The following TCF7L2 variants were observed in gnomAD, a reference collection of about 807,000 sequenced individuals.
The protein encoded by TCF7L2 is transcription factor 7 like 2.
Under a neutral mutation model 77.9 loss-of-function variants are expected in TCF7L2, and 23 were observed. The ratio of observed to expected loss-of-function variants is 0.30; its 90% CI spans 0.21 to 0.42. The LOEUF is 0.42. Among genes scored for constraint, TCF7L2 ranks in the 10% least tolerant of loss-of-function variants. The pLI is 1.00. For synonymous variants in TCF7L2, 413 were observed against 340.2 expected (o/e 1.21, Z -2.36); for missense variants, 654 against 793.1 (o/e 0.82, Z 2.11).
intron 5 of TCF7L2, among the ~76,000 whole-genome samples, chr10:113,083,779 A>G (rs60647110): frequency 0.02 from 3,109 of 152,292 alleles, 115 homozygotes; most frequent in African/African-American, 0.07. Flanking sequence ...TTGCTTTTTT[A>G]GTGGAATGGC....
In TCF7L2 at chr10:113,004,819, C is replaced by T. The variant is rs180849576; in HGVS notation, c.451-35206C>T. 2.6e-4 allele frequency among the ~76,000 whole-genome samples: 40 copies of T among 152,180 alleles called. No individual in the cohort carries two copies. The East Asian group carries it at 7.6e-3, about 29-fold the overall frequency. On this transcript the variant is annotated intron_variant, in intron 4 of 13. Coordinates refer to ENST00000627217, the MANE Select transcript of TCF7L2 (RefSeq NM_001146274.2). ...TCCTGAGTAGCTGGGATGTCAGGCA[C>T]CCGCCACCATGCCCGGCTAATTTTC... is the stretch of plus-strand genomic sequence containing the variant.
intron 5 of TCF7L2, among the ~76,000 whole-genome samples, chr10:113,079,696 C>T (rs777997819): frequency 6.6e-6 from 1 of 152,064 alleles, no homozygotes; most frequent in African/African-American, 2.4e-5. Context: ...CTCGCTCCAT[C>T]GCCCAGGCTG....
chr10:113,096,973 G>A (rs2061048758), intron 5 of TCF7L2, among the ~76,000 whole-genome samples: 1 of 152,134 alleles, frequency 6.6e-6, no homozygotes, highest in African/African-American at 2.4e-5. Flanking sequence ...TACCCCACCG[G>A]TCACTGGGTC....
Position 112,950,656 on chromosome 10 carries a change from A to G in TCF7L2, c.-101A>G, listed in dbSNP as rs1589556225. 7.4e-7 allele frequency: 1 copy of G among 1,347,196 alleles called. No individual in the cohort carries two copies. Among genetic ancestry groups the G allele is most frequent in the Non-Finnish European group, 9.9e-7 (1 of 1,012,130 alleles). 83.5% of individuals were successfully genotyped at this position (1,347,196 alleles called of 1,614,324 possible). On this transcript the variant is annotated 5_prime_UTR_variant, in exon 1 of 14. Transcript: ENST00000627217. Reference sequence around the variant, plus strand: ...CACCTTGGACTCGTCTTTTTCTTGCAATATTTTTTGGGGGGGCAAAACTTT... The same window carrying G: ...CACCTTGGACTCGTCTTTTTCTTGCGATATTTTTTGGGGGGGCAAAACTTT...
intron 4 of TCF7L2, among the ~76,000 whole-genome samples, chr10:112,984,980 CCG>C (rs1370153095): frequency 2.0e-5 from 3 of 152,136 alleles, no homozygotes; most frequent in African/African-American, 2.4e-5. Context: ...TCAGCAGTGT[CCG>C]TTTATTGCCT....
chr10:113,143,381 C>G (rs2068736118), intron 6 of TCF7L2, among the ~76,000 whole-genome samples: 2 of 152,252 alleles, frequency 1.3e-5, no homozygotes, highest in Non-Finnish European at 2.9e-5. Flanking sequence ...GGCATTTGAT[C>G]AGTTTCTCCA....
chr10:113,085,135 T>C (rs1056578092), intron 5 of TCF7L2, among the ~76,000 whole-genome samples: 1 of 152,020 alleles, frequency 6.6e-6, no homozygotes, highest in Admixed American at 6.6e-5. Context: ...GGCACAATCA[T>C]GGCTCACTGC....
At chr10:113,152,545 A>C (rs1592360506) in intron 11 of TCF7L2, 105 bp downstream of exon 11, 3 of 921,676 alleles carry the variant, frequency 3.3e-6, no homozygotes. Flanking sequence ...GGGCCTCAGG[A>C]CCATCCAATC....
intron 5 of TCF7L2, among the ~76,000 whole-genome samples, chr10:113,076,779 G>A (rs2058741249): frequency 6.6e-6 from 1 of 152,184 alleles, no homozygotes; most frequent in African/African-American, 2.4e-5. Flanking sequence ...ATAGCAAGCT[G>A]TGCCATTAGT....
intron 3 of TCF7L2, among the ~76,000 whole-genome samples, chr10:112,960,894 TC>T (rs1454241040): frequency 6.6e-6 from 1 of 152,032 alleles, no homozygotes; most frequent in Non-Finnish European, 1.5e-5. Context: ...TGTTTCGCCA[TC>T]TTGGCCAGGC....
At chr10:113,154,275 G>A (rs796281599) in intron 11 of TCF7L2, among the ~76,000 whole-genome samples, 3 of 152,282 alleles carry the variant, frequency 2.0e-5, no homozygotes, top group African/African-American at 4.8e-5. Flanking sequence ...TAGCCTCCAC[G>A]TACACAACCA....
chr10:112,985,115 G>A (rs1014866540), intron 4 of TCF7L2, among the ~76,000 whole-genome samples: 1 of 152,192 alleles, frequency 6.6e-6, no homozygotes. Flanking sequence ...TAAGGAAAGA[G>A]CAACGGTGAT....
At chr10:113,088,076 G>A (rs761633749) in intron 5 of TCF7L2, among the ~76,000 whole-genome samples, 32 of 152,038 alleles carry the variant, frequency 2.1e-4, no homozygotes, top group Non-Finnish European at 4.3e-4. Context: ...TGAAAAAATC[G>A]TTCATGGAGT....
intron 4 of TCF7L2, among the ~76,000 whole-genome samples, chr10:113,008,516 C>T (rs978351066): frequency 6.6e-6 from 1 of 152,198 alleles, no homozygotes; most frequent in African/African-American, 2.4e-5. Flanking sequence ...CGCTATAACG[C>T]CTTCATGGTT....
intron 5 of TCF7L2, among the ~76,000 whole-genome samples, chr10:113,136,458 G>C (rs149538401): frequency 6.6e-6 from 1 of 152,250 alleles, no homozygotes; most frequent in East Asian, 1.9e-4. Flanking sequence ...CGGAGAATCC[G>C]TTGTCATCAT....
Position 112,951,516 on chromosome 10 carries a change from G to A in TCF7L2, c.290G>A (p.Gly97Glu). 1 of 1,430,676 alleles carries A rather than the reference G, an allele frequency of 7.0e-7. No individual in the cohort carries two copies. The highest frequency in any genetic ancestry group is 9.4e-7 in the Non-Finnish European group (1 of 1,069,220). The allele number at this position is 1,430,676 out of a possible 1,614,324, so 88.6% of individuals were successfully genotyped here. ...AGGCAAGATGGAGGGCTCTTTAAGG[G>A]GCCACCGTATCCCGGCTACCCCTTC... The change falls in exon 3 of 14, where the codon GGG becomes GAG. Residue 97 changes from glycine (G) to glutamate (E), a missense_variant. This residue lies in a region of TCF7L2 where 132 missense variants were observed against 123.7 expected (regional missense o/e 1.07). Coordinates refer to ENST00000627217, the MANE Select transcript of TCF7L2 (RefSeq NM_001146274.2).
At chr10:113,090,451 A>T (rs1034164899) in intron 5 of TCF7L2, among the ~76,000 whole-genome samples, 2 of 152,248 alleles carry the variant, frequency 1.3e-5, no homozygotes, top group Admixed American at 6.5e-5. Flanking sequence ...AGTAATACAT[A>T]TGTACATAAG....
intron 4 of TCF7L2, among the ~76,000 whole-genome samples, chr10:112,999,044 T>G (rs1473476860): frequency 6.6e-6 from 1 of 152,188 alleles, no homozygotes; most frequent in East Asian, 1.9e-4. Flanking sequence ...AGAGACAGGG[T>G]CTCATTCTGT....
intron 13 of TCF7L2, chr10:113,161,697 G>C: frequency 7.3e-7 from 1 of 1,368,178 alleles, no homozygotes; most frequent in Admixed American, 2.0e-5. Flanking sequence ...TGTGCTCCGT[G>C]TTTAGACGTT....
Sources: allele counts gnomAD v4.1 joint callset (sites outside exome capture counted in the v4.1 genomes callset), GRCh38; gene constraint gnomAD v4.1.1; regional missense constraint gnomAD v4.1.1; transcripts MANE v1.5; gene names NCBI Gene and HGNC (gene_info 2026-07-23, HGNC 2026-07-21).